Variants in GLCCI1 observed in about 807,000 individuals in gnomAD.
GLCCI1 encodes the protein glucocorticoid induced 1.
Under a neutral mutation model 52.2 loss-of-function variants are expected in GLCCI1, and 24 were observed. That is an observed-to-expected ratio of 0.46 (90% confidence interval 0.33 to 0.65). GLCCI1 has a LOEUF of 0.65. Among genes scored for constraint, GLCCI1 ranks in the 30% least tolerant of loss-of-function variants. The probability of loss-of-function intolerance (pLI) is 0.02; values close to 1 mark genes in which losing one functional copy is unlikely to be tolerated. For synonymous variants in GLCCI1, 310 were observed against 276.5 expected (o/e 1.12, Z -1.20); for missense variants, 704 against 701.5 (o/e 1.00, Z -0.04).
At chr7:8,023,330 T>G (rs535553250) in intron 3 of GLCCI1, among the ~76,000 whole-genome samples, 4 of 152,254 alleles carry the variant, frequency 2.6e-5, no homozygotes, top group African/African-American at 9.6e-5. Flanking sequence ...TCCAGCATAT[T>G]GTTGCCCTTT....
chr7:8,076,319 A>G (rs1562451973), intron 6 of GLCCI1, among the ~76,000 whole-genome samples: 1 of 152,158 alleles, frequency 6.6e-6, no homozygotes, highest in Non-Finnish European at 1.5e-5. Flanking sequence ...TTCTCTTTAT[A>G]TGGTTCTAGG....
Position 8,020,995 on chromosome 7 carries a change from G to A in GLCCI1, c.610-1488G>A, listed in dbSNP as rs143371143. Among the ~76,000 whole-genome samples, 289 of 152,158 alleles carry A rather than the reference G, an allele frequency of 1.9e-3. 1 individual carries two copies. The highest frequency in any genetic ancestry group is 6.1e-3 in the African/African-American group (255 of 41,530). On this transcript the variant is annotated intron_variant, in intron 2 of 7. Transcript: ENST00000223145. ...TTTAATATATTGATACCTCTTATCC[G>A]TGGTCTTGCTGATTGAATAAAGTAT...
chr7:8,016,727 G>T (rs940067150), intron 2 of GLCCI1, among the ~76,000 whole-genome samples: 4 of 152,154 alleles, frequency 2.6e-5, no homozygotes, highest in African/African-American at 4.8e-5. Flanking sequence ...CTATTGCAAT[G>T]AGGATTATAT....
chr7:8,084,756 T>A, intron 6 of GLCCI1, 141 bp from the exon 7 acceptor site: 1 of 742,070 alleles, frequency 1.3e-6, no homozygotes, highest in Non-Finnish European at 2.2e-6. Context: ...ACACAGGGTA[T>A]AAGAAATAGC....
At chr7:8,030,555 G>A (rs1486755107) in intron 3 of GLCCI1, among the ~76,000 whole-genome samples, 2 of 152,040 alleles carry the variant, frequency 1.3e-5, no homozygotes, top group East Asian at 1.9e-4. Flanking sequence ...CATCAAGTTA[G>A]AAAGCTTCTG....
At chr7:8,016,298 T>G (rs148738678) in intron 2 of GLCCI1, among the ~76,000 whole-genome samples, 2,440 of 152,162 alleles carry the variant, frequency 0.016, 56 homozygotes, top group East Asian at 0.084. Flanking sequence ...TGAAACCCCG[T>G]CTCTACTAAA....
chr7:8,016,416 C>T (rs1399008615), intron 2 of GLCCI1, among the ~76,000 whole-genome samples: 2 of 152,068 alleles, frequency 1.3e-5, no homozygotes, highest in Non-Finnish European at 2.9e-5. Flanking sequence ...TTGCAGCGAG[C>T]CGAGATCGCA....
chr7:8,058,783 T>C (rs192031864), intron 4 of GLCCI1, among the ~76,000 whole-genome samples: 1 of 152,286 alleles, frequency 6.6e-6, no homozygotes, highest in Admixed American at 6.5e-5. Flanking sequence ...CCTCATGCAG[T>C]TGAAAATTTG....
At chr7:7,993,253 G>A (rs1226862802) in intron 1 of GLCCI1, among the ~76,000 whole-genome samples, 1 of 151,952 alleles carries the variant, frequency 6.6e-6, no homozygotes, top group Non-Finnish European at 1.5e-5. Context: ...CAAGGCTCTA[G>A]TGCTCCCACT....
intron 3 of GLCCI1, among the ~76,000 whole-genome samples, chr7:8,028,956 T>C (rs1781687409): frequency 6.6e-6 from 1 of 152,132 alleles, no homozygotes; most frequent in Admixed American, 6.5e-5. Context: ...GAACCCATAC[T>C]AAAAAGTCTT....
At chr7:8,072,115 T>A (rs1430927010) in intron 6 of GLCCI1, among the ~76,000 whole-genome samples, 1 of 152,166 alleles carries the variant, frequency 6.6e-6, no homozygotes, top group Non-Finnish European at 1.5e-5. Context: ...AAGGCTCCCT[T>A]GCGCCTCTTC....
At chr7:8,073,068 A>G (rs1312779760) in intron 6 of GLCCI1, among the ~76,000 whole-genome samples, 1 of 152,186 alleles carries the variant, frequency 6.6e-6, no homozygotes, top group Non-Finnish European at 1.5e-5. Flanking sequence ...ATTATGAGAA[A>G]GTATAATCAT....
At chr7:7,977,089 T>C (rs1033540726) in intron 1 of GLCCI1, among the ~76,000 whole-genome samples, 5 of 152,178 alleles carry the variant, frequency 3.3e-5, no homozygotes, top group African/African-American at 9.6e-5. Flanking sequence ...AAGAAAACTT[T>C]TGTGAATAGT....
chr7:8,081,280 T>A (rs1006091660), intron 6 of GLCCI1, among the ~76,000 whole-genome samples: 2 of 152,210 alleles, frequency 1.3e-5, no homozygotes, highest in African/African-American at 4.8e-5. Flanking sequence ...ACATTGATCT[T>A]TTTAAAACAT....
chr7:8,078,529 G>A (rs1277984765), intron 6 of GLCCI1: 2 of 152,086 alleles, frequency 1.3e-5, no homozygotes, highest in Non-Finnish European at 2.9e-5. Flanking sequence ...AACTGTTAAA[G>A]TTTACCTGTT....
chr7:7,969,820 A>C lies in GLCCI1; in HGVS notation c.457+13A>C, dbSNP rs930199784. ...CCCGTGTGCAGAGGTAGCGAGCCCA[A>C]CCCTCCCGTCCTCCCGGGCTGCGTC... is the stretch of plus-strand genomic sequence containing the variant. On this transcript the variant is annotated intron_variant, in intron 1 of 7. Coordinates refer to ENST00000223145, the MANE Select transcript of GLCCI1 (RefSeq NM_138426.4). The surrounding 1 kb of genome is among the most constrained non-coding windows in gnomAD (Gnocchi z 4.9). 1 of 1,440,008 alleles carries C rather than the reference A, an allele frequency of 6.9e-7. No individual in the cohort carries two copies. The allele number at this position is 1,440,008 out of a possible 1,614,324, so 89.2% of individuals were successfully genotyped here.
At chr7:7,971,852 C>CA (rs939682790) in intron 1 of GLCCI1, among the ~76,000 whole-genome samples, 1 of 152,202 alleles carries the variant, frequency 6.6e-6, no homozygotes, top group Non-Finnish European at 1.5e-5. Context: ...TTTGCAGTGT[C>CA]AGAGAGCTTG....
Position 7,969,926 on chromosome 7 carries a change from C to T in GLCCI1, c.457+119C>T, listed in dbSNP as rs566143495. ...TGCATTATCGAAGGTGTGAAAGTGG[C>T]TTTGGGAATCTCACCCCCCTGCGGT... On this transcript the variant is annotated intron_variant, in intron 1 of 7. Coordinates refer to ENST00000223145, the MANE Select transcript of GLCCI1 (RefSeq NM_138426.4). This position sits in a 1 kb window ranked among gnomAD's most constrained non-coding sequence, Gnocchi z 4.9. The T allele has an allele frequency of 3.6e-6, 4 of 1,108,268 alleles. No individual in the cohort carries two copies. The highest frequency in any genetic ancestry group is 5.4e-5 in the East Asian group (1 of 18,370). 68.7% of individuals were successfully genotyped at this position (1,108,268 alleles called of 1,614,324 possible).
chr7:7,983,438 G>T (rs1780663069), intron 1 of GLCCI1, among the ~76,000 whole-genome samples: 1 of 152,036 alleles, frequency 6.6e-6, no homozygotes, highest in Non-Finnish European at 1.5e-5. Context: ...TGATTCTAGA[G>T]GCTTTGATAG....
Sources: gnomAD v4.1 joint callset for allele counts (sites outside exome capture counted in the v4.1 genomes callset) on GRCh38, gnomAD v4.1.1 for gene constraint, Gnocchi (gnomAD v3.1) non-coding constraint, MANE v1.5 for transcripts, NCBI Gene and HGNC (gene_info 2026-07-23, HGNC 2026-07-21) for gene names.